The following ZNF69 variants were observed in gnomAD, a reference collection of about 807,000 sequenced individuals.
ZNF69 encodes zinc finger protein 69, also known as ZNF3.
In ZNF69, 47 loss-of-function variants were observed where a neutral mutation model predicts 50.9. That is an observed-to-expected ratio of 0.92 (90% CI 0.73 to 1.18). The LOEUF (loss-of-function observed/expected upper bound fraction) is 1.18. Ranked by LOEUF, ZNF69 falls within the 50% of genes most tolerant of loss-of-function variation. ZNF69 has a pLI of 0.00. For synonymous variants in ZNF69, 216 were observed against 223.1 expected (o/e 0.97, Z 0.29); for missense variants, 717 against 675.1 (o/e 1.06, Z -0.69).
At chr19:11,975,670 C>T in the ZNF69 span, among the ~76,000 whole-genome samples, 3 of 44 alleles carry the variant, frequency 0.068, no homozygotes, top group Non-Finnish European at 0.12. Flanking sequence ...GCGTGAGCCA[C>T]CGCACCCCGG....
chr19:11,978,266 T>C, the ZNF69 span: 1 of 1,614,090 alleles, frequency 6.2e-7, no homozygotes, highest in Non-Finnish European at 8.5e-7. Flanking sequence ...GTGGAGAAGT[T>C]GGCATAGGTA....
At chr19:11,951,268 G>A in the ZNF69 span, among the ~76,000 whole-genome samples, 34 of 142,678 alleles carry the variant, frequency 2.4e-4, no homozygotes, top group Admixed American at 5.0e-4. Flanking sequence ...TCATTCTGTC[G>A]CCCAGGATAG....
At chr19:11,969,028 C>T in the ZNF69 span, among the ~76,000 whole-genome samples, 1 of 152,192 alleles carries the variant, frequency 6.6e-6, no homozygotes. Context: ...TGTCATGTGA[C>T]TCAACCCCAT....
At chr19:11,889,827 G>C (rs987909493) in intron 1 of ZNF69, among the ~76,000 whole-genome samples, 2 of 152,206 alleles carry the variant, frequency 1.3e-5, no homozygotes, top group East Asian at 3.8e-4. Context: ...TTGGCGAGGG[G>C]AGTGTGGCAG....
At chr19:11,963,919 G>A in the ZNF69 span, among the ~76,000 whole-genome samples, 6 of 152,226 alleles carry the variant, frequency 3.9e-5, no homozygotes, top group Non-Finnish European at 8.8e-5. Context: ...ACCGCGATCT[G>A]AAAGTCTTTT....
the ZNF69 span, among the ~76,000 whole-genome samples, chr19:11,934,603 T>G: frequency 1.9e-4 from 28 of 146,040 alleles, 1 homozygote; most frequent in Admixed American, 8.1e-4. Context: ...CTCAGCTCAC[T>G]GCAGCCTCTG....
chr19:11,907,055 A>G (rs1001870462), downstream of ZNF69, among the ~76,000 whole-genome samples: 1 of 152,236 alleles, frequency 6.6e-6, no homozygotes, highest in Non-Finnish European at 1.5e-5. Context: ...AGCTGATTCA[A>G]TCAAGTGGAA....
chr19:11,974,799 C>T, the ZNF69 span, among the ~76,000 whole-genome samples: 3 of 151,962 alleles, frequency 2.0e-5, no homozygotes, highest in East Asian at 3.9e-4. Context: ...AATGGAGTTA[C>T]ACCATGTTGG....
Position 11,905,453 on chromosome 19 carries a change from A to T in ZNF69, c.1056A>T (p.Arg352Ser). The change falls in exon 4 of 4, where the codon AGA (arginine) becomes AGT (serine). Residue 352 changes from arginine (R) to serine (S), a missense_variant. Transcript: ENST00000429654. ...SSLTSFQTHI[R>S]MHSGERPYEC... ...TTACAAGTTTTCAAACACACATAAG[A>T]ATGCACTCTGGAGAAAGACCTTATG... 1.2e-6 allele frequency: 2 copies of T among 1,614,228 alleles called. No homozygotes were observed. Among genetic ancestry groups the T allele is most frequent in the South Asian group, 2.2e-5 (2 of 91,088 alleles).
intron 1 of ZNF69, among the ~76,000 whole-genome samples, chr19:11,896,217 TAAAAAAA>T (rs138289885): frequency 9.4e-5 from 6 of 63,860 alleles, no homozygotes; most frequent in Admixed American, 2.1e-4. Flanking sequence ...GAAACTCCAT[TAAAAAAA>T]AAAAAAAAAA....
chr19:11,888,176 G>A (rs923934748), intron 1 of ZNF69, among the ~76,000 whole-genome samples, 190 bp downstream of exon 1: 1 of 152,228 alleles, frequency 6.6e-6, no homozygotes, highest in Non-Finnish European at 1.5e-5. Flanking sequence ...GACACCAGGC[G>A]TCCTGTCTCG....
chr19:11,913,545 C>T (rs575338741), exon 5 of ZNF69: 18 of 388,210 alleles, frequency 4.6e-5, no homozygotes, highest in African/African-American at 1.3e-4. Flanking sequence ...TGCACCACCA[C>T]GCCAGGCTAA....
the ZNF69 span, chr19:11,949,385 C>T: frequency 6.2e-7 from 1 of 1,613,780 alleles, no homozygotes; most frequent in Non-Finnish European, 8.5e-7. Flanking sequence ...TGTGGGAAAG[C>T]CTTCAGATCT....
chr19:11,948,283 A>G, the ZNF69 span: 8 of 1,612,910 alleles, frequency 5.0e-6, no homozygotes, highest in Non-Finnish European at 6.8e-6. Flanking sequence ...CAGGAGTCTC[A>G]TAGAAGAGAA....
At chr19:11,892,959 C>T (rs904232772) in intron 1 of ZNF69, among the ~76,000 whole-genome samples, 3 of 152,172 alleles carry the variant, frequency 2.0e-5, no homozygotes, top group Admixed American at 6.5e-5. Context: ...TTCAGCCTCC[C>T]AAGTAGCTGG....
chr19:11,918,899 C>CTT (rs951386224), downstream of ZNF69, among the ~76,000 whole-genome samples: 1 of 140,928 alleles, frequency 7.1e-6, no homozygotes, highest in Non-Finnish European at 1.6e-5. Context: ...ACTTGTTTTT[C>CTT]TTTTTTTTTT....
the ZNF69 span, among the ~76,000 whole-genome samples, chr19:11,960,434 C>T: frequency 1.3e-5 from 2 of 152,186 alleles, no homozygotes; most frequent in Non-Finnish European, 2.9e-5. Context: ...GCAATCCTCT[C>T]ACCTCAGCTT....
chr19:11,934,547 A>G, the ZNF69 span, among the ~76,000 whole-genome samples: 1 of 145,814 alleles, frequency 6.9e-6, no homozygotes, highest in Non-Finnish European at 1.5e-5. Context: ...TTGTTTGGAG[A>G]TGCAGTTTCG....
chr19:11,953,005 C>T, the ZNF69 span: 1 of 152,166 alleles, frequency 6.6e-6, no homozygotes, highest in South Asian at 2.1e-4. Context: ...GCCTGGGAGG[C>T]AGATGTTACA....
Sources: gnomAD v4.1 joint callset for allele counts (sites outside exome capture counted in the v4.1 genomes callset) on GRCh38, gnomAD v4.1.1 for gene constraint, MANE v1.5 for transcripts, NCBI Gene and HGNC (gene_info 2026-07-23, HGNC 2026-07-21) for gene names.